Variants in CCDC178 observed in about 807,000 individuals in gnomAD.
CCDC178 encodes coiled-coil domain containing 178.
A neutral mutation model predicts 117.4 loss-of-function variants in CCDC178; 126 were observed. The observed-to-expected ratio is 1.07, with a 90% CI of 0.93 to 1.24. The LOEUF (loss-of-function observed/expected upper bound fraction) is 1.24, where lower values mean the gene tolerates loss of function less well. Ranked by LOEUF, CCDC178 falls within the 50% of genes most tolerant of loss-of-function variation. The pLI is 0.00. For synonymous variants in CCDC178, 283 were observed against 313.4 expected, an observed-to-expected ratio of 0.90 and a Z score of 1.02; for missense variants, 1,030 against 986.9, an observed-to-expected ratio of 1.04 and a Z score of -0.59.
chr18:33,435,580 G>C (rs2064277188), intron 2 of CCDC178, among the ~76,000 whole-genome samples: 1 of 152,014 alleles, frequency 6.6e-6, no homozygotes, highest in East Asian at 1.9e-4. Context: ...TACAGAGAGA[G>C]AGAGGCAAGT....
chr18:33,144,119 T>G (rs1598927548), intron 20 of CCDC178, among the ~76,000 whole-genome samples: 1 of 152,138 alleles, frequency 6.6e-6, no homozygotes, highest in Admixed American at 6.5e-5. Flanking sequence ...CAGAGTTTTA[T>G]TCAATAAGAT....
At chr18:33,282,248 A>G (rs1463409729) in intron 12 of CCDC178, among the ~76,000 whole-genome samples, 1 of 152,190 alleles carries the variant, frequency 6.6e-6, no homozygotes, top group Non-Finnish European at 1.5e-5. Flanking sequence ...TTGAGGTGGC[A>G]AGGAGAGCCT....
rs1490214590 is a variant in CCDC178, at chr18:33,397,204, T to C, written c.63A>G (p.Leu21=). Residue 21 remains leucine, a synonymous_variant, in exon 4 of 23, where the codon TTA becomes TTG. Coordinates refer to ENST00000383096, the MANE Select transcript of CCDC178 (RefSeq NM_001105528.4). ...TGAGAGCCTTTACTTCCTGACATGTTAAACCTATAAAAGGTAAAATAAAAC... is the reference window on the plus strand; with the variant it reads ...TGAGAGCCTTTACTTCCTGACATGTCAAACCTATAAAAGGTAAAATAAAAC... ...STRDDQTNIG[L]TCQEVKALRE... The C allele has an allele frequency of 6.2e-7, 1 of 1,601,944 alleles. No individual in the cohort carries two copies. Among genetic ancestry groups the C allele is most frequent in the East Asian group, 2.2e-5 (1 of 44,660 alleles).
chr18:33,171,457 A>C (rs1375699741), intron 20 of CCDC178, among the ~76,000 whole-genome samples: 2 of 152,252 alleles, frequency 1.3e-5, no homozygotes, highest in Non-Finnish European at 2.9e-5. Flanking sequence ...AAGGTAAGTA[A>C]TTCTATAGAG....
intron 20 of CCDC178, among the ~76,000 whole-genome samples, chr18:33,118,581 T>A (rs112935802): frequency 0.15 from 23,429 of 152,116 alleles, 2,055 homozygotes; most frequent in East Asian, 0.34. Flanking sequence ...TGCTCATGGA[T>A]AGGAAGAATC....
At chr18:33,116,349 T>C (rs1353396659) in intron 20 of CCDC178, among the ~76,000 whole-genome samples, 1 of 152,156 alleles carries the variant, frequency 6.6e-6, no homozygotes, top group Non-Finnish European at 1.5e-5. Context: ...TAAATTAATC[T>C]TGTAGAAATG....
intron 11 of CCDC178, among the ~76,000 whole-genome samples, chr18:33,309,641 T>C (rs970240814): frequency 2.0e-5 from 3 of 152,154 alleles, no homozygotes; most frequent in Non-Finnish European, 2.9e-5. Context: ...TGATTTCTTT[T>C]TTCCTAGGCT....
intron 20 of CCDC178, among the ~76,000 whole-genome samples, chr18:33,153,003 G>T: frequency 8.7e-6 from 1 of 114,886 alleles, no homozygotes; most frequent in African/African-American, 2.9e-5. Flanking sequence ...CAGAAATGAA[G>T]TCATTTTAGA....
chr18:33,394,943 G>GTATGTATATATATATATATA (rs1555697671), intron 4 of CCDC178, among the ~76,000 whole-genome samples: 8 of 61,494 alleles, frequency 1.3e-4, no homozygotes, highest in Non-Finnish European at 2.1e-4. Context: ...ATATGTATGT[G>GTATGTATATATATATATATA]TATATATATA....
intron 19 of CCDC178, 24 bp downstream of exon 19, chr18:33,215,526 T>G: frequency 1.7e-6 from 2 of 1,167,958 alleles, no homozygotes; most frequent in South Asian, 1.8e-5. Flanking sequence ...AAACTTCATA[T>G]TTTGATAAAG....
In CCDC178 at chr18:33,231,441, T is replaced by C. The variant is rs149166062; in HGVS notation, c.1594-4586A>G. 3.7e-3 allele frequency among the ~76,000 whole-genome samples: 562 copies of C among 152,300 alleles called. 4 individuals carry two copies. The highest frequency in any genetic ancestry group is 0.012 in the African/African-American group (516 of 41,568). Reference sequence around the variant, plus strand: ...GGGCTCAATGACATATACCAACCAATTGAAATAGAGAAATTTGCATGTAGA... The same window carrying C: ...GGGCTCAATGACATATACCAACCAACTGAAATAGAGAAATTTGCATGTAGA... On this transcript the variant is annotated intron_variant, in intron 15 of 22. Transcript: ENST00000383096.
rs1568037061 is a variant in CCDC178 at position 33,179,108 on chromosome 18, TAA to T, written c.2238+32786_2238+32787del. On this transcript the variant is annotated intron_variant, in intron 20 of 22. Coordinates refer to ENST00000383096, the MANE Select transcript of CCDC178 (RefSeq NM_001105528.4). The stretch of plus-strand genomic sequence containing the variant: ...ATATATATATATATATATATATATA[TAA>T]ACTATATATATATATATAAACTATA... Among the ~76,000 whole-genome samples the T allele has an allele frequency of 8.0e-4, 74 of 92,972 alleles. 3 individuals carry two copies. Among genetic ancestry groups the T allele is most frequent in the African/African-American group, 3.9e-3 (73 of 18,766 alleles). 61.0% of individuals were successfully genotyped at this position (92,972 alleles called of 152,430 possible).
chr18:33,016,444 A>C (rs1778112076), intron 21 of CCDC178, among the ~76,000 whole-genome samples: 1 of 152,194 alleles, frequency 6.6e-6, no homozygotes, highest in South Asian at 2.1e-4. Flanking sequence ...ATGAAAAAAA[A>C]GCATCAGCAA....
chr18:33,112,196 C>G (rs976065110), intron 20 of CCDC178, among the ~76,000 whole-genome samples: 2 of 151,488 alleles, frequency 1.3e-5, no homozygotes, highest in Non-Finnish European at 3.0e-5. Context: ...TAGTTTTATT[C>G]TAAACAAAGC....
At chr18:33,372,333 G>C (rs1428831849) in intron 5 of CCDC178, among the ~76,000 whole-genome samples, 1 of 152,070 alleles carries the variant, frequency 6.6e-6, no homozygotes, top group Non-Finnish European at 1.5e-5. Context: ...TCAAAAGACA[G>C]CTGAACTAGG....
chr18:33,357,177 T>A (rs1054965171), intron 6 of CCDC178, among the ~76,000 whole-genome samples: 8 of 152,112 alleles, frequency 5.3e-5, no homozygotes, highest in Non-Finnish European at 1.2e-4. Context: ...TCTTTCCCTG[T>A]AACTTCTGCC....
intron 6 of CCDC178, among the ~76,000 whole-genome samples, chr18:33,358,082 A>G (rs1363963253): frequency 6.6e-6 from 1 of 152,050 alleles, no homozygotes; most frequent in African/African-American, 2.4e-5. Context: ...TGAATGCTGT[A>G]GGCAAGTATA....
At chr18:32,975,465 T>C (rs1598746439) in intron 21 of CCDC178, among the ~76,000 whole-genome samples, 1 of 152,294 alleles carries the variant, frequency 6.6e-6, no homozygotes, top group South Asian at 2.1e-4. Flanking sequence ...ATCAAAACAA[T>C]GTACATTTGC....
chr18:33,054,779 A>G (rs1157634085), intron 21 of CCDC178, among the ~76,000 whole-genome samples: 1 of 152,216 alleles, frequency 6.6e-6, no homozygotes, highest in East Asian at 1.9e-4. Context: ...TCCTTTGGGT[A>G]CATACCCAGT....
Sources: gnomAD v4.1 joint callset for allele counts (sites outside exome capture counted in the v4.1 genomes callset) on GRCh38, gnomAD v4.1.1 for gene constraint, MANE v1.5 for transcripts, NCBI Gene and HGNC (gene_info 2026-07-23, HGNC 2026-07-21) for gene names.